The following PLCB1 variants were observed in gnomAD, a reference collection of about 807,000 sequenced individuals.
PLCB1 encodes the protein phospholipase C beta 1.
In PLCB1, 46 loss-of-function variants were observed where a neutral mutation model predicts 161.8. The observed-to-expected ratio is 0.28, with a 90% CI of 0.22 to 0.36. The LOEUF (loss-of-function observed/expected upper bound fraction) is 0.36. PLCB1 is among the 10% of genes least tolerant of loss of function. PLCB1 has a pLI of 1.00. For missense variants in PLCB1, 1,016 were observed against 1,472.5 expected, an observed-to-expected ratio of 0.69 and a Z score of 5.07; for synonymous variants, 517 against 503.7, an observed-to-expected ratio of 1.03 and a Z score of -0.35.
At chr20:8,800,235 C>A (rs1324757397) in intron 31 of PLCB1, among the ~76,000 whole-genome samples, 1 of 152,210 alleles carries the variant, frequency 6.6e-6, no homozygotes, top group Non-Finnish European at 1.5e-5. Flanking sequence ...ATTACAGTCT[C>A]TGTTTTCCAT....
chr20:8,776,920 G>C (rs937312044), intron 27 of PLCB1, among the ~76,000 whole-genome samples: 3 of 152,112 alleles, frequency 2.0e-5, no homozygotes, highest in African/African-American at 7.2e-5. Context: ...GAGGATGCTT[G>C]GCGATTTTAA....
intron 1 of PLCB1, among the ~76,000 whole-genome samples, chr20:8,149,012 A>T (rs543295176): frequency 6.6e-6 from 1 of 152,270 alleles, no homozygotes; most frequent in Non-Finnish European, 1.5e-5. Flanking sequence ...ATGGCAGCAC[A>T]GCAAGGTGAA....
At chr20:8,875,417 T>C (rs1164027301) in intron 31 of PLCB1, among the ~76,000 whole-genome samples, 6 of 147,618 alleles carry the variant, frequency 4.1e-5, no homozygotes, top group Admixed American at 3.4e-4. Context: ...GTAGTATATA[T>C]AATATACATA....
At chr20:8,150,470 T>A in intron 2 of PLCB1, 99 bp downstream of exon 2, 2 of 518,226 alleles carry the variant, frequency 3.9e-6, no homozygotes, top group Non-Finnish European at 6.9e-6. Context: ...ATTTCACAGA[T>A]CTTTTGCAGT....
intron 3 of PLCB1, among the ~76,000 whole-genome samples, chr20:8,586,774 T>G (rs561347654): frequency 2.6e-5 from 4 of 152,300 alleles, no homozygotes; most frequent in Non-Finnish European, 5.9e-5. Flanking sequence ...GTACATCATA[T>G]TTCTGTTAGT....
chr20:8,146,815 CTATT>C (rs1277068991), intron 1 of PLCB1, among the ~76,000 whole-genome samples: 6 of 152,138 alleles, frequency 3.9e-5, no homozygotes, highest in Non-Finnish European at 8.8e-5. Flanking sequence ...TTAATCTTCA[CTATT>C]TATGATATAG....
chr20:8,784,839 ATTTTAAAAGTATTTCCAATAAGGCAG>A (rs1032153201), intron 27 of PLCB1, among the ~76,000 whole-genome samples: 32 of 152,262 alleles, frequency 2.1e-4, no homozygotes, highest in African/African-American at 6.5e-4. Context: ...AACCTATATA[ATTTTAAAAGTATTTCCAATAAGGCAG>A]CCTGTGGCTT....
intron 12 of PLCB1, among the ~76,000 whole-genome samples, chr20:8,713,760 C>T (rs1159067854): frequency 6.6e-6 from 1 of 152,100 alleles, no homozygotes; most frequent in Non-Finnish European, 1.5e-5. Flanking sequence ...GGCTTTGGTC[C>T]CAGCTACATG....
At chr20:8,359,099 T>A (rs1201767564) in intron 2 of PLCB1, among the ~76,000 whole-genome samples, 2 of 149,376 alleles carry the variant, frequency 1.3e-5, no homozygotes, top group Non-Finnish European at 1.5e-5. Flanking sequence ...TTTTACACAA[T>A]TTTTTTTTTA....
intron 3 of PLCB1, among the ~76,000 whole-genome samples, chr20:8,456,309 T>C (rs751830719): frequency 3.9e-5 from 6 of 152,202 alleles, no homozygotes; most frequent in Admixed American, 6.5e-5. Context: ...CAAAAAATGG[T>C]GAATGTGCTT....
chr20:8,830,191 C>T (rs2146276136), intron 31 of PLCB1, among the ~76,000 whole-genome samples: 1 of 152,298 alleles, frequency 6.6e-6, no homozygotes, highest in Non-Finnish European at 1.5e-5. Flanking sequence ...GTTCAAGTCA[C>T]AGGGAACAGC....
intron 2 of PLCB1, among the ~76,000 whole-genome samples, chr20:8,156,404 T>C (rs1394353519): frequency 6.6e-6 from 1 of 152,210 alleles, no homozygotes; most frequent in Non-Finnish European, 1.5e-5. Context: ...CTCCTGATTG[T>C]GTTCTAAAAC....
intron 9 of PLCB1, among the ~76,000 whole-genome samples, chr20:8,660,079 T>C (rs1989581747): frequency 6.6e-6 from 1 of 151,996 alleles, no homozygotes; most frequent in African/African-American, 2.4e-5. Context: ...TAGTTGGGAA[T>C]TTTTAGATGC....
chr20:8,521,825 T>C (rs895674192), intron 3 of PLCB1, among the ~76,000 whole-genome samples: 1 of 152,210 alleles, frequency 6.6e-6, no homozygotes, highest in Non-Finnish European at 1.5e-5. Context: ...AACACAGATA[T>C]ATAACTAAAC....
chr20:8,565,637 C>A (rs1986307591), intron 3 of PLCB1, among the ~76,000 whole-genome samples: 1 of 152,034 alleles, frequency 6.6e-6, no homozygotes, highest in African/African-American at 2.4e-5. Flanking sequence ...GCTTTCCTCT[C>A]CTTTCTCTGG....
intron 31 of PLCB1, among the ~76,000 whole-genome samples, chr20:8,868,791 G>T (rs910896155): frequency 6.6e-6 from 1 of 152,008 alleles, no homozygotes; most frequent in Admixed American, 6.6e-5. Flanking sequence ...GCCACCACAC[G>T]CAGCCAGTTT....
chr20:8,804,192 A>C (rs1359225631), intron 31 of PLCB1, among the ~76,000 whole-genome samples: 1 of 152,212 alleles, frequency 6.6e-6, no homozygotes, highest in East Asian at 1.9e-4. Context: ...GGAGGAGCTA[A>C]GAACACATGA....
chr20:8,336,013 C>A (rs561325139), intron 2 of PLCB1, among the ~76,000 whole-genome samples: 1 of 152,236 alleles, frequency 6.6e-6, no homozygotes, highest in African/African-American at 2.4e-5. Flanking sequence ...GCTGGTAGAG[C>A]AGCAGGATCC....
chr20:8,481,746 T>A (rs1260328658), intron 3 of PLCB1, among the ~76,000 whole-genome samples: 1 of 152,218 alleles, frequency 6.6e-6, no homozygotes, highest in African/African-American at 2.4e-5. Flanking sequence ...AATAATATAA[T>A]GCTGACCATC....
Sources: gnomAD v4.1 joint callset for allele counts (sites outside exome capture counted in the v4.1 genomes callset) on GRCh38, gnomAD v4.1.1 for gene constraint, MANE v1.5 for transcripts, NCBI Gene and HGNC (gene_info 2026-07-23, HGNC 2026-07-21) for gene names.